The following GADL1 variants were observed in gnomAD, a reference collection of about 807,000 sequenced individuals.
The protein encoded by GADL1 is acidic amino acid decarboxylase GADL1.
GADL1 carries 71 observed loss-of-function variants against 69.5 expected under a neutral mutation model. The observed-to-expected ratio is 1.02, with a 90% CI of 0.84 to 1.25. The LOEUF is 1.25. Ranked by LOEUF, GADL1 falls within the 50% of genes most tolerant of loss-of-function variation. The pLI is 0.00. For missense variants in GADL1, 737 were observed against 631.8 expected, an observed-to-expected ratio of 1.17 and a Z score of -1.79; for synonymous variants, 254 against 214.4, an observed-to-expected ratio of 1.18 and a Z score of -1.62.
intron 11 of GADL1, among the ~76,000 whole-genome samples, chr3:30,810,478 T>C (rs866701394): frequency 1.3e-5 from 2 of 152,216 alleles, no homozygotes; most frequent in African/African-American, 2.4e-5. Flanking sequence ...TTGGTTGATA[T>C]GCTCTTAAAA....
At chr3:30,854,288 G>C (rs1698193515) in intron 4 of GADL1, among the ~76,000 whole-genome samples, 1 of 152,120 alleles carries the variant, frequency 6.6e-6, no homozygotes, top group Non-Finnish European at 1.5e-5. Context: ...CTTCAGATGA[G>C]AGTTTGGATT....
rs374841453 is a variant in GADL1, at chr3:30,750,964, G to A, written c.1393-22549C>T. 5.2e-4 allele frequency among the ~76,000 whole-genome samples: 79 copies of A among 152,228 alleles called. 1 individual carries two copies. In the East Asian group the frequency reaches 7.9e-3, roughly 15 times the overall value. On this transcript the variant is annotated intron_variant, in intron 14 of 14. Transcript: ENST00000282538. ...GTCAACCTTTGTAATAAATATAAAA[G>A]AAGCGTGCTTTGAGAGAAAGAAGTA...
At chr3:30,870,763 A>C (rs1431667750) in intron 1 of GADL1, among the ~76,000 whole-genome samples, 1 of 151,588 alleles carries the variant, frequency 6.6e-6, no homozygotes. Flanking sequence ...ATAAAGCTTA[A>C]AGAACTTGCG....
At chr3:30,879,031 A>G (rs935048611) in intron 1 of GADL1, among the ~76,000 whole-genome samples, 1 of 151,786 alleles carries the variant, frequency 6.6e-6, no homozygotes, top group Non-Finnish European at 1.5e-5. Context: ...AGAATGTCTC[A>G]CTCAACCTCA....
intron 13 of GADL1, among the ~76,000 whole-genome samples, chr3:30,784,305 G>A (rs1696740486): frequency 6.6e-6 from 1 of 152,092 alleles, no homozygotes; most frequent in South Asian, 2.1e-4. Flanking sequence ...GCCTTATTTG[G>A]TTATGCCTCT....
At chr3:30,860,834 G>A (rs6807611) in intron 2 of GADL1, among the ~76,000 whole-genome samples, 28,859 of 151,786 alleles carry the variant, frequency 0.19, 3,250 homozygotes, top group East Asian at 0.51. Flanking sequence ...TTTTAGTCCC[G>A]GCTCTGATAC....
Position 30,833,758 on chromosome 3 carries a change from C to T in GADL1, c.1050+95G>A, listed in dbSNP as rs1203416960. ...CCAAACACCTTCAATTTACGCCTCG[C>T]CCAAGTCACCAAGAGATGAGCAAAA... On this transcript the variant is annotated intron_variant, in intron 11 of 14. Transcript: ENST00000282538. 5 of 809,120 alleles carry T rather than the reference C, an allele frequency of 6.2e-6. No individual in the cohort carries two copies. In the East Asian group the frequency reaches 1.2e-4, roughly 20 times the overall value. The allele number at this position is 809,120 out of a possible 1,614,324, so 50.1% of individuals were successfully genotyped here.
intron 9 of GADL1, 87 bp from the exon 10 acceptor site, chr3:30,834,368 AC>A: frequency 1.0e-6 from 1 of 995,730 alleles, no homozygotes; most frequent in South Asian, 1.3e-5. Context: ...CTCAGTGAGG[AC>A]CTCAATCTGC....
intron 8 of GADL1, among the ~76,000 whole-genome samples, chr3:30,840,360 A>G (rs778352658): frequency 2.6e-5 from 4 of 152,152 alleles, no homozygotes; most frequent in Non-Finnish European, 4.4e-5. Context: ...GGTATATAAC[A>G]AATCCATTTG....
At chr3:30,854,870 T>C (rs887873615) in intron 3 of GADL1, 81 bp from the exon 4 acceptor site, 60 of 727,916 alleles carry the variant, frequency 8.2e-5, no homozygotes, top group Non-Finnish European at 1.4e-5. Flanking sequence ...AAATGAATCT[T>C]TCAGAAAATG....
At chr3:30,742,366 AT>A (rs898220651) in intron 14 of GADL1, among the ~76,000 whole-genome samples, 65 of 151,452 alleles carry the variant, frequency 4.3e-4, no homozygotes, top group South Asian at 1.3e-3. Context: ...TATTTAATAT[AT>A]TTTTTTTATT....
At chr3:30,734,792 C>T (rs772232042) in intron 14 of GADL1, among the ~76,000 whole-genome samples, 2 of 152,100 alleles carry the variant, frequency 1.3e-5, no homozygotes, top group Non-Finnish European at 2.9e-5. Flanking sequence ...CAGACATTTG[C>T]CCTCCCAACA....
At chr3:30,733,647 C>A (rs1409020346) in intron 14 of GADL1, among the ~76,000 whole-genome samples, 1 of 148,010 alleles carries the variant, frequency 6.8e-6, no homozygotes, top group Non-Finnish European at 1.5e-5. Flanking sequence ...CTCCTTCCCT[C>A]CCTCCCTCCT....
intron 3 of GADL1, among the ~76,000 whole-genome samples, chr3:30,855,510 G>GCCGC (rs1698215549): frequency 6.6e-6 from 1 of 152,044 alleles, no homozygotes; most frequent in Non-Finnish European, 1.5e-5. Flanking sequence ...GATGGAGTAA[G>GCCGC]ATGTGACTCA....
rs528402781 is a variant in GADL1 at position 30,789,857 on chromosome 3, TG to T, written c.1251-3452del. Among the ~76,000 whole-genome samples the T allele has an allele frequency of 2.8e-4, 43 of 152,344 alleles. No homozygotes were observed. The East Asian group carries it at 7.5e-3, about 27-fold the overall frequency. ...ACTGGAGAAAGTTAGGGTCTTGCTC[TG>T]AATTGGGCTTTGGCTTAAGGCAATG... On this transcript the variant is annotated intron_variant, in intron 12 of 14. Transcript: ENST00000282538.
At chr3:30,762,087 A>G (rs898385385) in intron 14 of GADL1, among the ~76,000 whole-genome samples, 24 of 152,156 alleles carry the variant, frequency 1.6e-4, no homozygotes, top group Admixed American at 5.2e-4. Flanking sequence ...AAATATCTTG[A>G]CTGCCCTGCT....
At chr3:30,806,713 CAGA>C (rs1279018367) in intron 11 of GADL1, among the ~76,000 whole-genome samples, 2 of 152,160 alleles carry the variant, frequency 1.3e-5, no homozygotes, top group Non-Finnish European at 2.9e-5. Context: ...GATGGCTTTT[CAGA>C]AGAAGCTGAG....
rs943984286 is a variant in GADL1, at chr3:30,854,752, A to C, written c.375T>G (p.Leu125=). 1 of 1,549,862 alleles carries C rather than the reference A, an allele frequency of 6.5e-7. No individual in the cohort carries two copies. The highest frequency in any genetic ancestry group is 1.4e-5 in the African/African-American group (1 of 73,074). The change falls in exon 4 of 15, where the codon CTT becomes CTG. Residue 125 remains leucine (L), a synonymous_variant. Transcript: ENST00000282538. ...ATCGGGCCACCAAGGAGTAATAATC[A>C]AGTCCAGCATACAATTGGTTGAAAA... The part of the protein sequence containing the change: ...PRFFNQLYAG[L]DYYSLVARFM...
intron 3 of GADL1, among the ~76,000 whole-genome samples, chr3:30,855,208 T>C (rs17026702): frequency 0.034 from 5,167 of 152,184 alleles, 295 homozygotes; most frequent in African/African-American, 0.12. Context: ...TGAAGACACA[T>C]CGTAGAGCCC....
Sources: allele counts gnomAD v4.1 joint callset (sites outside exome capture counted in the v4.1 genomes callset), GRCh38; gene constraint gnomAD v4.1.1; transcripts MANE v1.5; gene names NCBI Gene and HGNC (gene_info 2026-07-23, HGNC 2026-07-21).